Variants in FOXO3 observed in about 807,000 individuals in gnomAD.
The protein encoded by FOXO3 is forkhead box O3.
In FOXO3, 4 loss-of-function variants were observed where a neutral mutation model predicts 41.9. That is an observed-to-expected ratio of 0.10 (90% CI 0.05 to 0.22). FOXO3 has a LOEUF of 0.22. Ranked by LOEUF, FOXO3 falls within the 10% of genes least tolerant of loss-of-function variation. The probability of loss-of-function intolerance (pLI) is 1.00; values close to 1 mark genes in which losing one functional copy is unlikely to be tolerated. For missense variants in FOXO3, 534 were observed against 906.8 expected, an observed-to-expected ratio of 0.59 and a Z score of 5.28; for synonymous variants, 318 against 389.3, an observed-to-expected ratio of 0.82 and a Z score of 2.16.
At chr6:108,606,452 G>A (rs1217807894) in intron 1 of FOXO3, among the ~76,000 whole-genome samples, 1 of 152,190 alleles carries the variant, frequency 6.6e-6, no homozygotes, top group Non-Finnish European at 1.5e-5. Flanking sequence ...TTGGGTTCTT[G>A]ACACACATGG....
At chr6:108,665,036 C>A in intron 2 of FOXO3, 147 bp downstream of exon 2, 1 of 921,910 alleles carries the variant, frequency 1.1e-6, no homozygotes. Flanking sequence ...CCAGCCAGTT[C>A]CATCTCAGGG....
chr6:108,602,488 T>C (rs1777078993), intron 1 of FOXO3, among the ~76,000 whole-genome samples: 1 of 152,152 alleles, frequency 6.6e-6, no homozygotes, highest in South Asian at 2.1e-4. Context: ...TGCGTGAAGT[T>C]TGGGACTCTG....
intron 1 of FOXO3, among the ~76,000 whole-genome samples, chr6:108,606,323 C>T (rs547266985): frequency 2.6e-5 from 4 of 152,294 alleles, no homozygotes; most frequent in African/African-American, 7.2e-5. Flanking sequence ...TTGTTCACCC[C>T]ATAGACTGTA....
intron 1 of FOXO3, among the ~76,000 whole-genome samples, chr6:108,563,390 T>A (rs1775869091): frequency 6.6e-6 from 1 of 152,230 alleles, no homozygotes; most frequent in African/African-American, 2.4e-5. Flanking sequence ...GAATGCCAGG[T>A]GTATGATACG....
chr6:108,641,445 A>G (rs1778255059), intron 1 of FOXO3, among the ~76,000 whole-genome samples: 1 of 152,060 alleles, frequency 6.6e-6, no homozygotes, highest in Non-Finnish European at 1.5e-5. Flanking sequence ...AGGGCTCCAT[A>G]AACAGTTTGA....
At chr6:108,610,328 C>T (rs1196326528) in intron 1 of FOXO3, among the ~76,000 whole-genome samples, 1 of 152,078 alleles carries the variant, frequency 6.6e-6, no homozygotes, top group Non-Finnish European at 1.5e-5. Context: ...TAACTGGACT[C>T]CTTATCAGGA....
At chr6:108,619,615 T>C (rs1777610697) in intron 1 of FOXO3, among the ~76,000 whole-genome samples, 2 of 152,372 alleles carry the variant, frequency 1.3e-5, no homozygotes, top group Admixed American at 1.3e-4. Flanking sequence ...GCCATCTGTT[T>C]ATTTGCGTCT....
At chr6:108,672,210 A>G (rs1026906327) in intron 2 of FOXO3, among the ~76,000 whole-genome samples, 2 of 152,240 alleles carry the variant, frequency 1.3e-5, no homozygotes, top group Non-Finnish European at 2.9e-5. Context: ...GTCTTGGAGC[A>G]GAAAGACTGG....
intron 1 of FOXO3, among the ~76,000 whole-genome samples, chr6:108,583,440 A>G (rs1043503008): frequency 3.9e-5 from 6 of 152,190 alleles, no homozygotes; most frequent in African/African-American, 1.2e-4. Flanking sequence ...ATTGCATGTA[A>G]TGTTTCCAAG....
intron 2 of FOXO3, among the ~76,000 whole-genome samples, chr6:108,673,214 G>A (rs1256420249): frequency 6.6e-6 from 1 of 152,172 alleles, no homozygotes; most frequent in South Asian, 2.1e-4. Flanking sequence ...CACTCGTCAG[G>A]TTCTACTCAG....
At chr6:108,617,884 G>GA (rs2128371711) in intron 1 of FOXO3, 1 of 339,994 alleles carries the variant, frequency 2.9e-6, no homozygotes, top group East Asian at 6.9e-5. Flanking sequence ...AACAAACAGA[G>GA]AAAACTATGC....
At chr6:108,644,063 G>A (rs1778331948) in intron 1 of FOXO3, among the ~76,000 whole-genome samples, 1 of 152,170 alleles carries the variant, frequency 6.6e-6, no homozygotes, top group Non-Finnish European at 1.5e-5. Flanking sequence ...CCATCATGTG[G>A]CTTGAGGGTC....
intron 1 of FOXO3, among the ~76,000 whole-genome samples, chr6:108,598,382 T>C (rs559758434): frequency 2.1e-4 from 32 of 152,268 alleles, no homozygotes; most frequent in African/African-American, 7.5e-4. Context: ...TAGGGACATT[T>C]GTAGGGTGGG....
chr6:108,647,740 A>G (rs1456954778), intron 1 of FOXO3, among the ~76,000 whole-genome samples: 1 of 152,204 alleles, frequency 6.6e-6, no homozygotes, highest in Non-Finnish European at 1.5e-5. Context: ...AAGGGGAGGG[A>G]AAAGAAAATA....
intron 1 of FOXO3, among the ~76,000 whole-genome samples, chr6:108,584,070 T>C (rs979331392): frequency 6.6e-5 from 10 of 152,314 alleles, no homozygotes; most frequent in African/African-American, 2.4e-4. Context: ...GCGTGCTTCA[T>C]AGGTCACAGC....
intron 1 of FOXO3, among the ~76,000 whole-genome samples, chr6:108,599,569 A>G (rs923330279): frequency 2.0e-5 from 3 of 152,156 alleles, no homozygotes; most frequent in African/African-American, 7.2e-5. Context: ...GGTCTTTTCC[A>G]TTATGGTAAG....
chr6:108,673,047 T>C (rs1779261901), intron 2 of FOXO3, among the ~76,000 whole-genome samples: 1 of 152,182 alleles, frequency 6.6e-6, no homozygotes, highest in South Asian at 2.1e-4. Flanking sequence ...ATTGGTCATT[T>C]GTATGTTCAA....
intron 1 of FOXO3, among the ~76,000 whole-genome samples, chr6:108,648,092 C>T (rs954886021): frequency 6.6e-6 from 1 of 152,162 alleles, no homozygotes; most frequent in Non-Finnish European, 1.5e-5. Flanking sequence ...CCTGGAAGCA[C>T]CTCTGCCAAG....
At chr6:108,644,914 C>T (rs1368471307) in intron 1 of FOXO3, among the ~76,000 whole-genome samples, 1 of 152,130 alleles carries the variant, frequency 6.6e-6, no homozygotes, top group African/African-American at 2.4e-5. Flanking sequence ...CCTTACCTCC[C>T]TCTCACTCCA....
Sources: allele counts gnomAD v4.1 joint callset (sites outside exome capture counted in the v4.1 genomes callset), GRCh38; gene constraint gnomAD v4.1.1; transcripts MANE v1.5; gene names NCBI Gene and HGNC (gene_info 2026-07-23, HGNC 2026-07-21).